Variants in ADAMTS12 observed in about 807,000 individuals in gnomAD.
ADAMTS12 encodes the protein ADAM metallopeptidase with thrombospondin type 1 motif 12, also known as A disintegrin and metalloproteinase with thrombospondin motifs 12.
Under a neutral mutation model 167.8 loss-of-function variants are expected in ADAMTS12, and 118 were observed. That is an observed-to-expected ratio of 0.70 (90% confidence interval 0.61 to 0.82). The LOEUF (loss-of-function observed/expected upper bound fraction) is 0.82. Among genes scored for constraint, ADAMTS12 ranks in the 40% least tolerant of loss-of-function variants. The probability of loss-of-function intolerance (pLI) is 0.00; values close to 1 mark genes in which losing one functional copy is unlikely to be tolerated. For missense variants in ADAMTS12, 1,916 were observed against 1,998.8 expected (o/e 0.96, Z 0.79); for synonymous variants, 704 against 716.9 (o/e 0.98, Z 0.29).
intron 7 of ADAMTS12, 151 bp downstream of exon 7, chr5:33,658,033 A>G (rs1168965106): frequency 4.1e-6 from 4 of 976,688 alleles, no homozygotes; most frequent in Non-Finnish European, 6.2e-6. Flanking sequence ...CACTTTACAG[A>G]TGAAAGCAGA....
At chr5:33,651,376 C>T (rs1313458248) in intron 7 of ADAMTS12, among the ~76,000 whole-genome samples, 1 of 152,192 alleles carries the variant, frequency 6.6e-6, no homozygotes, top group Non-Finnish European at 1.5e-5. Flanking sequence ...TAAAATTATT[C>T]ACTTGGGTGA....
At chr5:33,725,910 C>T (rs1019275340) in intron 3 of ADAMTS12, among the ~76,000 whole-genome samples, 14 of 152,234 alleles carry the variant, frequency 9.2e-5, no homozygotes, top group South Asian at 4.1e-4. Flanking sequence ...TAACAAATTC[C>T]CCGGGGGATT....
chr5:33,761,082 T>A (rs1420544913), intron 2 of ADAMTS12, among the ~76,000 whole-genome samples: 2 of 152,236 alleles, frequency 1.3e-5, no homozygotes, highest in Non-Finnish European at 2.9e-5. Context: ...TTTCCAGTAG[T>A]GAAAGCACTT....
intron 2 of ADAMTS12, among the ~76,000 whole-genome samples, chr5:33,867,111 A>G (rs1344974849): frequency 6.6e-6 from 1 of 152,136 alleles, no homozygotes; most frequent in Non-Finnish European, 1.5e-5. Flanking sequence ...ACTACTGTGT[A>G]TCTACTCAAA....
intron 16 of ADAMTS12, among the ~76,000 whole-genome samples, chr5:33,602,993 C>T (rs540730403): frequency 9.5e-4 from 144 of 152,266 alleles, no homozygotes; most frequent in African/African-American, 3.4e-3. Context: ...AGAGAATTTA[C>T]CCAGGAGATA....
intron 14 of ADAMTS12, among the ~76,000 whole-genome samples, chr5:33,617,486 T>C (rs4077000): frequency 0.086 from 13,163 of 152,230 alleles, 663 homozygotes; most frequent in Middle Eastern, 0.17. Flanking sequence ...GCAGCTCTCA[T>C]CCAGAGGAAC....
chr5:33,719,376 A>G (rs1202341525), intron 3 of ADAMTS12, among the ~76,000 whole-genome samples: 1 of 152,118 alleles, frequency 6.6e-6, no homozygotes, highest in Admixed American at 6.5e-5. Flanking sequence ...ACCCTCATAC[A>G]CTCTGGGTTG....
At chr5:33,803,383 TG>T (rs1244588326) in intron 2 of ADAMTS12, among the ~76,000 whole-genome samples, 9 of 152,318 alleles carry the variant, frequency 5.9e-5, no homozygotes, top group Admixed American at 2.0e-4. Flanking sequence ...CAACCTAAAG[TG>T]GTAAATGCTA....
At chr5:33,859,944 C>T (rs1242324464) in intron 2 of ADAMTS12, among the ~76,000 whole-genome samples, 1 of 152,094 alleles carries the variant, frequency 6.6e-6, no homozygotes, top group Admixed American at 6.5e-5. Flanking sequence ...GAAAACTAAC[C>T]AACACAAAGG....
At chr5:33,616,153 C>A (rs1739001788) in intron 14 of ADAMTS12, 81 bp from the exon 15 acceptor site, 3 of 1,538,562 alleles carry the variant, frequency 1.9e-6, no homozygotes, top group Non-Finnish European at 8.7e-7. Flanking sequence ...CACTGTTAAT[C>A]CTCTTTCCAG....
chr5:33,617,629 G>C (rs1049129895), intron 14 of ADAMTS12, among the ~76,000 whole-genome samples: 1 of 152,092 alleles, frequency 6.6e-6, no homozygotes, highest in Admixed American at 6.6e-5. Context: ...GAGGCTAATG[G>C]TTTTAAAAAA....
chr5:33,781,906 T>C (rs1746143959), intron 2 of ADAMTS12, among the ~76,000 whole-genome samples: 1 of 151,814 alleles, frequency 6.6e-6, no homozygotes, highest in South Asian at 2.1e-4. Flanking sequence ...GTGTTCTCAT[T>C]GTTCAATTCC....
chr5:33,592,813 A>C (rs1747712594), intron 17 of ADAMTS12, among the ~76,000 whole-genome samples: 1 of 152,216 alleles, frequency 6.6e-6, no homozygotes, highest in African/African-American at 2.4e-5. Context: ...TTGCACAGGA[A>C]ATTTTTTGGG....
chr5:33,569,241 C>G (rs4490582), intron 19 of ADAMTS12, among the ~76,000 whole-genome samples: 1 of 152,058 alleles, frequency 6.6e-6, no homozygotes, highest in African/African-American at 2.4e-5. Context: ...TGAAGAGAGC[C>G]GTCGTTCTCC....
intron 5 of ADAMTS12, among the ~76,000 whole-genome samples, chr5:33,676,553 A>C (rs1217424253): frequency 1.3e-5 from 2 of 151,888 alleles, no homozygotes; most frequent in Non-Finnish European, 2.9e-5. Flanking sequence ...GCATCGTTGC[A>C]AGTGCCTGTA....
intron 5 of ADAMTS12, among the ~76,000 whole-genome samples, chr5:33,675,446 G>A (rs1682422137): frequency 6.6e-6 from 1 of 152,176 alleles, no homozygotes; most frequent in Admixed American, 6.5e-5. Context: ...TGCTATAAGA[G>A]TAATTCTGGA....
intron 11 of ADAMTS12, among the ~76,000 whole-genome samples, chr5:33,638,155 G>A (rs4242079): frequency 0.69 from 104,373 of 151,934 alleles, 37,756 homozygotes; most frequent in Non-Finnish European, 0.81. Flanking sequence ...ATTTACATTT[G>A]TTTCCTACTC....
chr5:33,606,598 G>A (rs1404649691), intron 16 of ADAMTS12, among the ~76,000 whole-genome samples: 2 of 152,144 alleles, frequency 1.3e-5, no homozygotes, highest in Non-Finnish European at 2.9e-5. Flanking sequence ...GAGGACAGAA[G>A]AATGAAGAAA....
intron 2 of ADAMTS12, among the ~76,000 whole-genome samples, chr5:33,763,461 A>G (rs1266738518): frequency 3.3e-5 from 5 of 152,228 alleles, no homozygotes; most frequent in Non-Finnish European, 7.3e-5. Context: ...AGCCATGGCA[A>G]CATTTGATTT....
Sources: allele counts gnomAD v4.1 joint callset (sites outside exome capture counted in the v4.1 genomes callset), GRCh38; gene constraint gnomAD v4.1.1; transcripts MANE v1.5; gene names NCBI Gene and HGNC (gene_info 2026-07-23, HGNC 2026-07-21).